RBFOX3: variants seen among roughly 807,000 people sequenced by gnomAD.
RBFOX3 encodes RNA binding fox-1 homolog 3.
RBFOX3 carries 17 observed loss-of-function variants against 48.7 expected under a neutral mutation model. The ratio of observed to expected loss-of-function variants is 0.35; its 90% CI spans 0.24 to 0.52. RBFOX3 has a LOEUF of 0.52. RBFOX3 is among the 20% of genes least tolerant of loss of function. RBFOX3 has a pLI of 0.94. For synonymous variants in RBFOX3, 212 were observed against 209.5 expected, an observed-to-expected ratio of 1.01 and a Z score of -0.10; for missense variants, 382 against 497.5, an observed-to-expected ratio of 0.77 and a Z score of 2.21.
At chr17:79,562,007 C>A (rs935957212) in intron 1 of RBFOX3, among the ~76,000 whole-genome samples, 5,007 of 152,260 alleles carry the variant, frequency 0.033, 219 homozygotes, top group East Asian at 0.11. Flanking sequence ...CTAATCACTC[C>A]ATTCCAAAAT....
intron 3 of RBFOX3, among the ~76,000 whole-genome samples, chr17:79,265,920 G>A (rs73999940): frequency 0.013 from 2,048 of 152,286 alleles, 47 homozygotes; most frequent in African/African-American, 0.047. Flanking sequence ...AGGTCAAGAA[G>A]GCTCATGGCA....
At chr17:79,259,984 C>T (rs1426131894) in intron 3 of RBFOX3, among the ~76,000 whole-genome samples, 1 of 152,054 alleles carries the variant, frequency 6.6e-6, no homozygotes, top group Non-Finnish European at 1.5e-5. Flanking sequence ...TGCTGAGCCC[C>T]TTCCTGGCCG....
At chr17:79,634,271 G>A in the RBFOX3 span, among the ~76,000 whole-genome samples, 5 of 152,118 alleles carry the variant, frequency 3.3e-5, no homozygotes, top group Non-Finnish European at 7.4e-5. Context: ...CCACCTCACC[G>A]CCAGAGCCAC....
chr17:79,090,967 C>T lies in RBFOX3; in HGVS notation c.1078-82G>A, dbSNP rs796518455. ...GTGAAGGCGACAGGACCACGTGGCA[C>T]GGGGCCCCTGGCCTAAAGTCCTGGC... On this transcript the variant is annotated intron_variant, in intron 14 of 14. Coordinates refer to ENST00000693108, the MANE Select transcript of RBFOX3 (RefSeq NM_001350451.2). The T allele has an allele frequency of 4.0e-5, 56 of 1,384,534 alleles. No individual in the cohort carries two copies. In the African/African-American group the frequency reaches 7.3e-4, roughly 18 times the overall value. 85.8% of individuals were successfully genotyped at this position (1,384,534 alleles called of 1,614,324 possible). A position where few individuals can be genotyped will look rare whatever the true frequency, so the allele number is the denominator to read the frequency against.
intron 2 of RBFOX3, among the ~76,000 whole-genome samples, chr17:79,434,916 G>C (rs2069115129): frequency 6.6e-6 from 1 of 152,180 alleles, no homozygotes; most frequent in African/African-American, 2.4e-5. Flanking sequence ...GAATGACTGT[G>C]CTCCAAGCAG....
At chr17:79,156,372 C>T (rs559684754) in intron 4 of RBFOX3, among the ~76,000 whole-genome samples, 88 of 152,256 alleles carry the variant, frequency 5.8e-4, no homozygotes, top group Middle Eastern at 3.4e-3. Context: ...AGAGGAAGAG[C>T]CCCTGGTTGG....
intron 3 of RBFOX3, among the ~76,000 whole-genome samples, chr17:79,281,642 C>T (rs2070544763): frequency 6.6e-6 from 1 of 152,348 alleles, no homozygotes; most frequent in South Asian, 2.1e-4. Flanking sequence ...ACTCACATCT[C>T]TGCACCGCTA....
At chr17:79,652,590 A>G in the RBFOX3 span, among the ~76,000 whole-genome samples, 1 of 144,482 alleles carries the variant, frequency 6.9e-6, no homozygotes, top group African/African-American at 2.6e-5. Flanking sequence ...AGGAGAGGAG[A>G]GGAGAGGAGA....
At chr17:79,094,668 T>A (rs1568113185) in intron 13 of RBFOX3, 139 bp from the exon 14 acceptor site, 1 of 523,682 alleles carries the variant, frequency 1.9e-6, no homozygotes, top group East Asian at 3.5e-5. Flanking sequence ...CACCCTCCCC[T>A]CCTGCAAGGC....
At chr17:79,350,822 G>C (rs1393209132) in intron 2 of RBFOX3, among the ~76,000 whole-genome samples, 1 of 152,188 alleles carries the variant, frequency 6.6e-6, no homozygotes, top group Non-Finnish European at 1.5e-5. Flanking sequence ...GGGAAAGAAG[G>C]TCTCTCTGAG....
At position 79,199,271 on chromosome 17, in the gene RBFOX3, C is replaced by T. The variant is rs1424093456; in HGVS notation, c.-34+36495G>A. ...CCCCCACCCTCGGCAGCACCACCCA[C>T]CAGCCCCTTCCGGTGGACTTCACAC... is the stretch of plus-strand genomic sequence containing the variant. On this transcript the variant is annotated intron_variant, in intron 4 of 14. Coordinates refer to ENST00000693108, the MANE Select transcript of RBFOX3 (RefSeq NM_001350451.2). This position sits in a 1 kb window ranked among gnomAD's most constrained non-coding sequence, Gnocchi z 5.1. Among the ~76,000 whole-genome samples, 2 of 152,188 alleles carry T rather than the reference C, an allele frequency of 1.3e-5. No homozygotes were observed. The highest frequency in any genetic ancestry group is 2.9e-5 in the Non-Finnish European group (2 of 68,030).
intron 1 of RBFOX3, among the ~76,000 whole-genome samples, chr17:79,509,414 T>G (rs1467801371): frequency 6.6e-6 from 1 of 151,746 alleles, no homozygotes; most frequent in African/African-American, 2.4e-5. Flanking sequence ...GCTCCCACTC[T>G]GCGGGTATAT....
At chr17:79,308,347 C>T (rs1209816062) in intron 2 of RBFOX3, among the ~76,000 whole-genome samples, 2 of 152,142 alleles carry the variant, frequency 1.3e-5, no homozygotes, top group African/African-American at 2.4e-5. Context: ...GCTAGGCCCT[C>T]GATGGGAAGT....
intron 4 of RBFOX3, among the ~76,000 whole-genome samples, chr17:79,123,918 C>T (rs1192149088): frequency 6.6e-6 from 1 of 152,192 alleles, no homozygotes; most frequent in South Asian, 2.1e-4. Flanking sequence ...TCCATGTGGT[C>T]GGTACCACGA....
rs1025173814 is a variant in RBFOX3 at position 79,513,738 on chromosome 17, C to A, written c.-319-31140G>T. On this transcript the variant is annotated intron_variant, in intron 1 of 14. Transcript: ENST00000693108. ...CACAAGCTTGCCTACCAGAAAGAAC[C>A]GTCAGTGAGGCGGTACAGGCGCTGG... Among the ~76,000 whole-genome samples the A allele has an allele frequency of 3.9e-5, 6 of 152,208 alleles. No homozygotes were observed. The South Asian group carries it at 1.2e-3, about 31-fold the overall frequency.
chr17:79,099,005 C>G (rs1435120172), intron 9 of RBFOX3: 1 of 152,268 alleles, frequency 6.6e-6, no homozygotes, highest in Non-Finnish European at 1.5e-5. Flanking sequence ...CTCCCTCTGG[C>G]CAAGTCTTCA....
chr17:79,114,031 G>A (rs565814523), intron 5 of RBFOX3, among the ~76,000 whole-genome samples: 52 of 152,198 alleles, frequency 3.4e-4, no homozygotes, highest in African/African-American at 6.5e-4. Context: ...CTTCTGGGAC[G>A]AACCCCTGAG....
chr17:79,177,720 G>C (rs776736852), intron 4 of RBFOX3, among the ~76,000 whole-genome samples: 1 of 152,282 alleles, frequency 6.6e-6, no homozygotes, highest in South Asian at 2.1e-4. Flanking sequence ...CAGGGGTCGG[G>C]GAGATTTTAC....
At position 79,390,043 on chromosome 17, in the gene RBFOX3, C is replaced by T. The variant is rs1229049570; in HGVS notation, c.-174-82219G>A. ...GCAGCCTCCAGGTCTCCGTAGCCTCCAGGTCTCCGCAGCCGCCGGGTCTCC... is the reference window on the plus strand; with the variant it reads ...GCAGCCTCCAGGTCTCCGTAGCCTCTAGGTCTCCGCAGCCGCCGGGTCTCC... On this transcript the variant is annotated intron_variant, in intron 2 of 14. Coordinates refer to ENST00000693108, the MANE Select transcript of RBFOX3 (RefSeq NM_001350451.2). The surrounding 1 kb of genome is among the most constrained non-coding windows in gnomAD (Gnocchi z 4.2). Among the ~76,000 whole-genome samples, 2 of 151,282 alleles carry T rather than the reference C, an allele frequency of 1.3e-5. No homozygotes were observed. The highest frequency in any genetic ancestry group is 4.9e-5 in the African/African-American group (2 of 41,074).
Sources: gnomAD v4.1 joint callset for allele counts (sites outside exome capture counted in the v4.1 genomes callset) on GRCh38, gnomAD v4.1.1 for gene constraint, Gnocchi (gnomAD v3.1) non-coding constraint, MANE v1.5 for transcripts, NCBI Gene and HGNC (gene_info 2026-07-23, HGNC 2026-07-21) for gene names.